The following CTNNA3 variants were observed in gnomAD, a reference collection of about 807,000 sequenced individuals.
CTNNA3 encodes the protein catenin alpha-3.
Under a neutral mutation model 95.7 loss-of-function variants are expected in CTNNA3, and 76 were observed. That is an observed-to-expected ratio of 0.79 (90% CI 0.66 to 0.96). CTNNA3 has a LOEUF of 0.96. Ranked by LOEUF, CTNNA3 falls within the 40% of genes least tolerant of loss-of-function variation. The pLI, the probability that CTNNA3 is intolerant of heterozygous loss-of-function variation, is 0.00. For synonymous variants in CTNNA3, 431 were observed against 374.4 expected, an observed-to-expected ratio of 1.15 and a Z score of -1.74; for missense variants, 1,191 against 1,089.8, an observed-to-expected ratio of 1.09 and a Z score of -1.31.
At chr10:65,951,814 G>C (rs1006047917) in intron 17 of CTNNA3, among the ~76,000 whole-genome samples, 1 of 152,148 alleles carries the variant, frequency 6.6e-6, no homozygotes, top group Non-Finnish European at 1.5e-5. Context: ...CGGACCACGA[G>C]GTCAGGAGAT....
At chr10:65,968,427 A>T (rs558160307) in intron 16 of CTNNA3, among the ~76,000 whole-genome samples, 1 of 152,286 alleles carries the variant, frequency 6.6e-6, no homozygotes, top group African/African-American at 2.4e-5. Flanking sequence ...CTGCTGAGAC[A>T]GCCTGAGCTG....
chr10:66,113,277 G>T (rs570143900), intron 13 of CTNNA3, among the ~76,000 whole-genome samples: 1 of 152,030 alleles, frequency 6.6e-6, no homozygotes, highest in South Asian at 2.1e-4. Flanking sequence ...TTCACCTATA[G>T]CATGCATAGA....
intron 7 of CTNNA3, among the ~76,000 whole-genome samples, chr10:67,142,585 C>G (rs1254639464): frequency 6.6e-6 from 1 of 152,054 alleles, no homozygotes; most frequent in Non-Finnish European, 1.5e-5. Context: ...ATTACTGTAG[C>G]CTATTAAGTG....
At chr10:66,188,231 CA>C (rs1290374810) in intron 13 of CTNNA3, among the ~76,000 whole-genome samples, 1 of 152,046 alleles carries the variant, frequency 6.6e-6, no homozygotes, top group Non-Finnish European at 1.5e-5. Context: ...CAGAGTGCCC[CA>C]GAAACCTAAA....
At chr10:66,127,723 A>C (rs528164254) in intron 13 of CTNNA3, among the ~76,000 whole-genome samples, 1 of 152,234 alleles carries the variant, frequency 6.6e-6, no homozygotes, top group Non-Finnish European at 1.5e-5. Flanking sequence ...CAAAAGTACT[A>C]TATGAATGAA....
chr10:66,739,560 ATTAT>A (rs1849257854), intron 9 of CTNNA3, among the ~76,000 whole-genome samples: 3 of 152,200 alleles, frequency 2.0e-5, no homozygotes, highest in South Asian at 2.1e-4. Flanking sequence ...ATTTATTTAC[ATTAT>A]TTATGCATTT....
chr10:67,726,086 TTATAA>T (rs1425352336), intron 1 of CTNNA3, among the ~76,000 whole-genome samples: 1 of 119,166 alleles, frequency 8.4e-6, no homozygotes, highest in Non-Finnish European at 1.6e-5. Context: ...AAATTATATA[TTATAA>T]TATATAATTA....
chr10:66,590,137 T>C (rs1479669868), intron 10 of CTNNA3, among the ~76,000 whole-genome samples: 2 of 152,112 alleles, frequency 1.3e-5, no homozygotes, highest in African/African-American at 4.8e-5. Flanking sequence ...AAGTATGTTT[T>C]ACAGGTATAA....
At chr10:67,729,342 T>A (rs1182612017) in intron 1 of CTNNA3, among the ~76,000 whole-genome samples, 1 of 152,164 alleles carries the variant, frequency 6.6e-6, no homozygotes, top group Non-Finnish European at 1.5e-5. Flanking sequence ...TTTATAGATC[T>A]ATTAACTTAT....
intron 5 of CTNNA3, among the ~76,000 whole-genome samples, chr10:67,395,696 T>C (rs552693282): frequency 6.6e-6 from 1 of 152,304 alleles, no homozygotes; most frequent in Non-Finnish European, 1.5e-5. Context: ...GTAGGAAACA[T>C]TTTCAGATTA....
At chr10:66,046,881 G>T (rs564069502) in intron 15 of CTNNA3, among the ~76,000 whole-genome samples, 1 of 152,208 alleles carries the variant, frequency 6.6e-6, no homozygotes, top group Non-Finnish European at 1.5e-5. Flanking sequence ...AAATCTAGAA[G>T]AGATGGGTAA....
intron 10 of CTNNA3, among the ~76,000 whole-genome samples, chr10:66,618,582 C>T (rs1447206325): frequency 5.3e-5 from 8 of 152,042 alleles, no homozygotes; most frequent in South Asian, 2.1e-4. Context: ...AAGACTTAAA[C>T]GTTAGACCTA....
chr10:67,574,832 C>T (rs1048117231), intron 3 of CTNNA3, among the ~76,000 whole-genome samples: 5 of 152,042 alleles, frequency 3.3e-5, no homozygotes, highest in Admixed American at 6.6e-5. Flanking sequence ...CCACCTGCCT[C>T]GGCCTCCCAA....
intron 12 of CTNNA3, among the ~76,000 whole-genome samples, chr10:66,349,253 A>G (rs1382175218): frequency 1.3e-5 from 2 of 152,140 alleles, no homozygotes; most frequent in African/African-American, 4.8e-5. Context: ...CCTCACTCCT[A>G]CAACCACAGG....
At position 66,778,545 on chromosome 10, in the gene CTNNA3, C is replaced by T. The variant is rs116448248; in HGVS notation, c.1048-3021G>A. Among the ~76,000 whole-genome samples the T allele has an allele frequency of 7.0e-3, 1,067 of 152,182 alleles. 7 individuals carry two copies. The highest frequency in any genetic ancestry group is 0.024 in the African/African-American group (1,013 of 41,504). ...AGAAGCCATTATTAAGTCAGCAAAT[C>T]CCTGCTAATGGAAAAGGGACCACTT... On this transcript the variant is annotated intron_variant, in intron 7 of 17. Transcript: ENST00000433211.
At chr10:67,064,585 C>T (rs1855958457) in intron 7 of CTNNA3, among the ~76,000 whole-genome samples, 1 of 152,102 alleles carries the variant, frequency 6.6e-6, no homozygotes, top group South Asian at 2.1e-4. Flanking sequence ...TCCCCTTAGT[C>T]ATCATTTGTG....
At chr10:66,478,527 G>A (rs1269588916) in intron 11 of CTNNA3, among the ~76,000 whole-genome samples, 1 of 151,624 alleles carries the variant, frequency 6.6e-6, no homozygotes, top group Non-Finnish European at 1.5e-5. Flanking sequence ...AATTTCATAT[G>A]TAAACAAATT....
At chr10:66,408,885 G>A (rs752264233) in intron 11 of CTNNA3, among the ~76,000 whole-genome samples, 1 of 152,040 alleles carries the variant, frequency 6.6e-6, no homozygotes, top group African/African-American at 2.4e-5. Context: ...TTTTCTATAT[G>A]AGCAGGCCAC....
chr10:66,619,784 CT>C (rs1056436677), intron 10 of CTNNA3, among the ~76,000 whole-genome samples: 20 of 151,352 alleles, frequency 1.3e-4, no homozygotes, highest in Non-Finnish European at 2.7e-4. Flanking sequence ...GAAAAAAACA[CT>C]GGTGAATTAC....
Sources: allele counts gnomAD v4.1 joint callset (sites outside exome capture counted in the v4.1 genomes callset), GRCh38; gene constraint gnomAD v4.1.1; transcripts MANE v1.5; gene names NCBI Gene and HGNC (gene_info 2026-07-23, HGNC 2026-07-21).